Variants in MYO3B observed in about 807,000 individuals in gnomAD.
MYO3B encodes the protein myosin IIIB.
MYO3B carries 156 observed loss-of-function variants against 174.6 expected under a neutral mutation model. The ratio of observed to expected loss-of-function variants is 0.89; its 90% confidence interval spans 0.78 to 1.02. The LOEUF is 1.02. Among genes scored for constraint, MYO3B ranks in the 50% least tolerant of loss-of-function variants. The pLI, the probability that MYO3B is intolerant of heterozygous loss-of-function variation, is 0.00. For missense variants in MYO3B, 1,632 were observed against 1,639.4 expected (o/e 1.00, Z 0.08); for synonymous variants, 563 against 569.1 (o/e 0.99, Z 0.15).
chr2:170,493,766 G>T (rs1442781947), intron 25 of MYO3B, among the ~76,000 whole-genome samples: 3 of 148,194 alleles, frequency 2.0e-5, no homozygotes, highest in Non-Finnish European at 3.0e-5. Context: ...ACCCCAAGAC[G>T]CTTTGTTCTG....
intron 7 of MYO3B, among the ~76,000 whole-genome samples, chr2:170,323,895 G>A (rs184937578): frequency 1.6e-3 from 241 of 152,276 alleles, no homozygotes; most frequent in Non-Finnish European, 2.8e-3. Context: ...GGACCTAAAA[G>A]AGCCAGGGGG....
chr2:170,499,043 G>A (rs1687058086), intron 26 of MYO3B, among the ~76,000 whole-genome samples: 1 of 152,184 alleles, frequency 6.6e-6, no homozygotes, highest in Non-Finnish European at 1.5e-5. Flanking sequence ...TTCTAGTAGA[G>A]TTTTGTCCAT....
intron 7 of MYO3B, among the ~76,000 whole-genome samples, chr2:170,277,217 G>A (rs770693407): frequency 2.6e-5 from 4 of 152,164 alleles, no homozygotes; most frequent in Non-Finnish European, 2.9e-5. Flanking sequence ...CAGTAGGTTT[G>A]GGGGCTCACA....
At chr2:170,366,964 G>A (rs1404190171) in intron 8 of MYO3B, among the ~76,000 whole-genome samples, 3 of 152,106 alleles carry the variant, frequency 2.0e-5, no homozygotes, top group Non-Finnish European at 4.4e-5. Flanking sequence ...AGTACCCAAA[G>A]GACCTTGTTT....
At chr2:170,466,765 C>T (rs555734005) in intron 25 of MYO3B, 54 bp downstream of exon 25, 11 of 1,538,560 alleles carry the variant, frequency 7.1e-6, no homozygotes, top group Non-Finnish European at 1.8e-6. Flanking sequence ...CTACTCTGGC[C>T]ATCCCTGTGT....
chr2:170,393,078 G>T, intron 16 of MYO3B, among the ~76,000 whole-genome samples: 1 of 126,298 alleles, frequency 7.9e-6, no homozygotes, highest in Non-Finnish European at 1.6e-5. Flanking sequence ...TCTAAGTACT[G>T]TACTACTTTT....
At chr2:170,543,084 T>G in intron 31 of MYO3B, 118 bp downstream of exon 31, 5 of 770,384 alleles carry the variant, frequency 6.5e-6, no homozygotes, top group Non-Finnish European at 1.0e-5. Context: ...TTGAAACTGT[T>G]AGTGATATTT....
At chr2:170,546,227 T>C (rs1690472663) in intron 32 of MYO3B, among the ~76,000 whole-genome samples, 1 of 152,184 alleles carries the variant, frequency 6.6e-6, no homozygotes, top group East Asian at 1.9e-4. Context: ...CACATCCTGC[T>C]TTGTGTTATA....
At chr2:170,209,984 T>G (rs1054964027) in intron 3 of MYO3B, among the ~76,000 whole-genome samples, 3 of 152,222 alleles carry the variant, frequency 2.0e-5, no homozygotes, top group African/African-American at 7.2e-5. Context: ...AAAGGCAATT[T>G]TGAAACTGAA....
intron 30 of MYO3B, among the ~76,000 whole-genome samples, chr2:170,539,311 C>G (rs1176688348): frequency 6.6e-6 from 1 of 152,156 alleles, no homozygotes; most frequent in Non-Finnish European, 1.5e-5. Flanking sequence ...TAAGTTAGAT[C>G]TAAAGACTTA....
Position 170,369,979 on chromosome 2 carries a change from CT to C in MYO3B, c.971+611del, listed in dbSNP as rs915828026. Among the ~76,000 whole-genome samples the C allele has an allele frequency of 4.0e-4, 60 of 151,138 alleles. No homozygotes were observed. The Middle Eastern group carries it at 0.014, about 34-fold the overall frequency. ...TGTGATTCCTACCCTACCTCATCCT[CT>C]TTTTTTTTAGAAGGTAGATTTTTAT... On this transcript the variant is annotated intron_variant, in intron 9 of 34. Transcript: ENST00000408978.
intron 25 of MYO3B, among the ~76,000 whole-genome samples, chr2:170,481,935 C>G (rs1685713980): frequency 6.6e-6 from 1 of 152,132 alleles, no homozygotes; most frequent in African/African-American, 2.4e-5. Context: ...GACTTCTTTT[C>G]TCTCTTAATC....
At chr2:170,251,455 TG>T (rs2093252916) in intron 7 of MYO3B, among the ~76,000 whole-genome samples, 1 of 152,172 alleles carries the variant, frequency 6.6e-6, no homozygotes, top group African/African-American at 2.4e-5. Context: ...TAATCCCCAG[TG>T]TCTCAGAATT....
intron 6 of MYO3B, among the ~76,000 whole-genome samples, chr2:170,218,407 AG>A (rs754230613): frequency 1.2e-4 from 15 of 128,672 alleles, no homozygotes; most frequent in Admixed American, 4.4e-4. Context: ...TAAAACCAAA[AG>A]GAAAAAAATG....
chr2:170,537,208 AAAAAAAAC>A, intron 30 of MYO3B, among the ~76,000 whole-genome samples: 1 of 112,522 alleles, frequency 8.9e-6, no homozygotes, highest in African/African-American at 3.5e-5. Context: ...CTCAAAAAAA[AAAAAAAAC>A]AAAAAACAAA....
At chr2:170,470,577 T>G (rs563254986) in intron 25 of MYO3B, among the ~76,000 whole-genome samples, 58 of 152,314 alleles carry the variant, frequency 3.8e-4, no homozygotes, top group Admixed American at 2.9e-3. Flanking sequence ...CATGTACAAC[T>G]TTTAATGTGG....
At chr2:170,394,258 C>G (rs1372486438) in intron 16 of MYO3B, among the ~76,000 whole-genome samples, 1 of 152,078 alleles carries the variant, frequency 6.6e-6, no homozygotes, top group Admixed American at 6.6e-5. Flanking sequence ...GGTCTGATTG[C>G]AAAAATTCAA....
At chr2:170,572,858 A>G (rs1458361859) in intron 32 of MYO3B, among the ~76,000 whole-genome samples, 1 of 152,208 alleles carries the variant, frequency 6.6e-6, no homozygotes, top group East Asian at 1.9e-4. Context: ...TTTCTCACTT[A>G]TTCCAGACCA....
chr2:170,521,127 T>G (rs1688646381), intron 30 of MYO3B, among the ~76,000 whole-genome samples: 3 of 152,190 alleles, frequency 2.0e-5, no homozygotes, highest in African/African-American at 7.2e-5. Flanking sequence ...TATTATTTTA[T>G]TTTGTGAGAT....
Sources: allele counts gnomAD v4.1 joint callset (sites outside exome capture counted in the v4.1 genomes callset), GRCh38; gene constraint gnomAD v4.1.1; transcripts MANE v1.5; gene names NCBI Gene and HGNC (gene_info 2026-07-23, HGNC 2026-07-21).